Variants in BCAT1 observed in about 807,000 individuals in gnomAD.
BCAT1 encodes the protein branched chain amino acid transaminase 1, also known as branched-chain-amino-acid aminotransferase, cytosolic.
BCAT1 carries 48 observed loss-of-function variants against 52.4 expected under a neutral mutation model. That is an observed-to-expected ratio of 0.92 (90% confidence interval 0.73 to 1.16). The LOEUF is 1.16. BCAT1 is among the 50% of genes most tolerant of loss of function. BCAT1 has a pLI of 0.00. For missense variants in BCAT1, 451 were observed against 457.1 expected (o/e 0.99, Z 0.12); for synonymous variants, 167 against 161.3 (o/e 1.04, Z -0.27).
At chr12:24,866,535 A>G (rs1942018953) in intron 5 of BCAT1, among the ~76,000 whole-genome samples, 1 of 152,216 alleles carries the variant, frequency 6.6e-6, no homozygotes, top group South Asian at 2.1e-4. Flanking sequence ...CTGGTGCAAG[A>G]TACACTGGGT....
At chr12:24,845,941 A>G (rs962668644) in intron 6 of BCAT1, among the ~76,000 whole-genome samples, 2 of 152,226 alleles carry the variant, frequency 1.3e-5, no homozygotes, top group Admixed American at 1.3e-4. Context: ...TCATTCGTAG[A>G]CACAACTACG....
chr12:24,939,477 A>C (rs1943817099), intron 1 of BCAT1, among the ~76,000 whole-genome samples: 1 of 152,200 alleles, frequency 6.6e-6, no homozygotes, highest in East Asian at 1.9e-4. Context: ...GATAATTTTC[A>C]ATTAGTTAAA....
chr12:24,825,716 A>C (rs183077318), intron 10 of BCAT1, among the ~76,000 whole-genome samples: 7 of 152,070 alleles, frequency 4.6e-5, no homozygotes, highest in Admixed American at 4.6e-4. Context: ...GATTTTTCCT[A>C]TACAGTTGTT....
intron 1 of BCAT1, among the ~76,000 whole-genome samples, chr12:24,919,361 TAGA>T (rs1267895689): frequency 1.3e-5 from 2 of 152,194 alleles, no homozygotes; most frequent in Non-Finnish European, 2.9e-5. Flanking sequence ...CTGAGCTCAT[TAGA>T]AGATTTTGTT....
At chr12:24,868,113 G>A (rs576816411) in intron 5 of BCAT1, among the ~76,000 whole-genome samples, 1 of 152,334 alleles carries the variant, frequency 6.6e-6, no homozygotes, top group East Asian at 1.9e-4. Flanking sequence ...CATGGCAGGA[G>A]AAATGGCAGA....
intron 3 of BCAT1, among the ~76,000 whole-genome samples, chr12:24,890,520 G>T (rs1942807227): frequency 6.6e-6 from 1 of 152,136 alleles, no homozygotes. Flanking sequence ...GGCAATGAAA[G>T]GGATGTCTGG....
At chr12:24,852,954 C>A (rs921620005) in intron 5 of BCAT1, among the ~76,000 whole-genome samples, 1 of 152,076 alleles carries the variant, frequency 6.6e-6, no homozygotes, top group African/African-American at 2.4e-5. Flanking sequence ...TGCTTTAAGA[C>A]AATGAATAAG....
intron 1 of BCAT1, among the ~76,000 whole-genome samples, chr12:24,912,251 A>G (rs1159757083): frequency 1.3e-5 from 2 of 152,200 alleles, no homozygotes; most frequent in East Asian, 3.8e-4. Context: ...GCAGTGGCTC[A>G]CACCTGTAAT....
chr12:24,938,864 C>CTATT (rs10662028), intron 1 of BCAT1, among the ~76,000 whole-genome samples: 85,048 of 150,052 alleles, frequency 0.57, 24,306 homozygotes, highest in East Asian at 0.72. Flanking sequence ...ATTGCCTTTG[C>CTATT]TATTTATTTA....
At chr12:24,942,641 A>AT (rs553341230) in intron 1 of BCAT1, among the ~76,000 whole-genome samples, 1 of 152,170 alleles carries the variant, frequency 6.6e-6, no homozygotes, top group Non-Finnish European at 1.5e-5. Context: ...GAACATGGCC[A>AT]TACTGGCCTT....
At chr12:24,836,898 A>AAAGAG (rs1555102837) in intron 7 of BCAT1, among the ~76,000 whole-genome samples, 5 of 47,248 alleles carry the variant, frequency 1.1e-4, no homozygotes, top group Admixed American at 2.7e-4. Flanking sequence ...AGAAAGAAAG[A>AAAGAG]AAAGAAAGAG....
intron 6 of BCAT1, 42 bp downstream of exon 6, chr12:24,849,744 T>C (rs931144435): frequency 3.2e-6 from 5 of 1,568,452 alleles, no homozygotes; most frequent in South Asian, 2.4e-5. Context: ...TAAATGGTCA[T>C]GAAGGTGTCT....
chr12:24,884,500 CA>C (rs1195469292), intron 3 of BCAT1, among the ~76,000 whole-genome samples: 3 of 152,068 alleles, frequency 2.0e-5, no homozygotes, highest in Admixed American at 6.5e-5. Flanking sequence ...ATGTTCTCAC[CA>C]CAAGAAATGA....
At chr12:24,898,520 CTTTTTTTT>C (rs71448094) in intron 2 of BCAT1, among the ~76,000 whole-genome samples, 25 of 38,528 alleles carry the variant, frequency 6.5e-4, no homozygotes, top group African/African-American at 2.0e-3. Context: ...TCAGTCAACA[CTTTTTTTT>C]TTTTTTTTTT....
At position 24,946,145 on chromosome 12, in the gene BCAT1, G is replaced by A. The variant is rs1234234261; in HGVS notation, c.6+2782C>T. Among the ~76,000 whole-genome samples, 10 of 152,286 alleles carry A rather than the reference G, an allele frequency of 6.6e-5. 1 individual carries two copies. Among genetic ancestry groups the A allele is most frequent in the African/African-American group, 1.9e-4 (8 of 41,562 alleles). Reference sequence around the variant, plus strand: ...ACTAATACAAAGGCTCAACATAGCTGCCATTTAGAAACAATCTTTCATTTA... The same window carrying A: ...ACTAATACAAAGGCTCAACATAGCTACCATTTAGAAACAATCTTTCATTTA... On this transcript the variant is annotated intron_variant, in intron 1 of 10. Coordinates refer to ENST00000261192, the MANE Select transcript of BCAT1 (RefSeq NM_005504.7).
intron 5 of BCAT1, among the ~76,000 whole-genome samples, chr12:24,868,200 GA>G (rs1421348614): frequency 2.0e-5 from 3 of 152,198 alleles, no homozygotes; most frequent in African/African-American, 7.2e-5. Flanking sequence ...GATGATCAGG[GA>G]AGTACTGCGT....
At chr12:24,936,687 A>C (rs1459210915) in intron 1 of BCAT1, among the ~76,000 whole-genome samples, 2 of 104,328 alleles carry the variant, frequency 1.9e-5, no homozygotes, top group African/African-American at 5.8e-5. Flanking sequence ...TCCTCAGATC[A>C]AGTAATGGAG....
intron 1 of BCAT1, among the ~76,000 whole-genome samples, chr12:24,933,448 T>C (rs1294576038): frequency 1.3e-5 from 2 of 152,148 alleles, no homozygotes; most frequent in African/African-American, 4.8e-5. Context: ...CCATGTGTTA[T>C]ATGGCCTTTC....
At chr12:24,897,784 C>T (rs1942993371) in intron 2 of BCAT1, among the ~76,000 whole-genome samples, 1 of 152,118 alleles carries the variant, frequency 6.6e-6, no homozygotes, top group South Asian at 2.1e-4. Flanking sequence ...GAACTCCTGA[C>T]CTCAGGTGAC....
Sources: gnomAD v4.1 joint callset for allele counts (sites outside exome capture counted in the v4.1 genomes callset) on GRCh38, gnomAD v4.1.1 for gene constraint, MANE v1.5 for transcripts, NCBI Gene and HGNC (gene_info 2026-07-23, HGNC 2026-07-21) for gene names.